Variants in PCDHA7 observed in about 807,000 individuals in gnomAD.
PCDHA7 encodes protocadherin alpha 7.
Under a neutral mutation model 57.2 loss-of-function variants are expected in PCDHA7, and 37 were observed. The observed-to-expected ratio is 0.65, with a 90% CI of 0.50 to 0.85. PCDHA7 has a LOEUF of 0.85. Among genes scored for constraint, PCDHA7 ranks in the 40% least tolerant of loss-of-function variants. The pLI is 0.00. For synonymous variants in PCDHA7, 553 were observed against 558.8 expected (o/e 0.99, Z 0.15); for missense variants, 1,188 against 1,241.8 (o/e 0.96, Z 0.65).
At chr5:140,987,011 C>G (rs1266225593) in intron 3 of PCDHA7, among the ~76,000 whole-genome samples, 1 of 151,990 alleles carries the variant, frequency 6.6e-6, no homozygotes, top group African/African-American at 2.4e-5. Context: ...GTCATGAGTT[C>G]GAGACCAGCC....
intron 1 of PCDHA7, among the ~76,000 whole-genome samples, chr5:140,941,191 T>TTTTTC (rs1554213809): frequency 1.8e-4 from 17 of 93,256 alleles, no homozygotes; most frequent in Middle Eastern, 5.1e-3. Context: ...GCTTCTTTTT[T>TTTTTC]TTTCTTTCTT....
chr5:140,884,708 T>C, intron 1 of PCDHA7: 1 of 1,479,044 alleles, frequency 6.8e-7, no homozygotes, highest in Non-Finnish European at 9.0e-7. Flanking sequence ...ACTTTAGCCT[T>C]CCTTGCAGTT....
At chr5:140,938,209 G>C (rs1210350140) in intron 1 of PCDHA7, among the ~76,000 whole-genome samples, 1 of 152,160 alleles carries the variant, frequency 6.6e-6, no homozygotes, top group Admixed American at 6.5e-5. Flanking sequence ...GCCTCCCAAA[G>C]TGCTGGGATT....
At chr5:140,978,881 A>G in intron 1 of PCDHA7, 68 bp from the exon 2 acceptor site, 1 of 1,610,922 alleles carries the variant, frequency 6.2e-7, no homozygotes, top group Non-Finnish European at 8.5e-7. Flanking sequence ...TAACTAATCA[A>G]TTAGCAGCAT....
At chr5:140,968,560 C>T (rs782202250) in intron 1 of PCDHA7, 2 of 1,614,154 alleles carry the variant, frequency 1.2e-6, no homozygotes, top group Admixed American at 1.7e-5. Context: ...CTCGAACTGC[C>T]CCTGCTGGCT....
At chr5:140,947,341 A>C (rs1159995588) in intron 1 of PCDHA7, among the ~76,000 whole-genome samples, 1 of 151,806 alleles carries the variant, frequency 6.6e-6, no homozygotes, top group East Asian at 1.9e-4. Context: ...TGTGGGCTTA[A>C]TTCTGGACTC....
intron 3 of PCDHA7, among the ~76,000 whole-genome samples, chr5:141,004,120 T>C (rs1340380913): frequency 6.6e-6 from 1 of 152,178 alleles, no homozygotes; most frequent in African/African-American, 2.4e-5. Flanking sequence ...AAAGGGAGTA[T>C]CTCCATGATT....
chr5:140,883,403 T>G, intron 1 of PCDHA7: 1 of 1,614,168 alleles, frequency 6.2e-7, no homozygotes, highest in Non-Finnish European at 8.5e-7. Context: ...CGATCGTGAC[T>G]CTGGCTCAAA....
intron 1 of PCDHA7, chr5:140,968,830 C>G: frequency 6.2e-7 from 1 of 1,614,198 alleles, no homozygotes; most frequent in Non-Finnish European, 8.5e-7. Context: ...CCAAAATCCT[C>G]CCTGACACTC....
intron 1 of PCDHA7, among the ~76,000 whole-genome samples, chr5:140,903,619 A>T (rs1272385465): frequency 1.3e-5 from 2 of 152,226 alleles, no homozygotes; most frequent in African/African-American, 2.4e-5. Flanking sequence ...ATGAATGTGC[A>T]TGCATATGTA....
At position 140,869,619 on chromosome 5, in the gene PCDHA7, A is replaced by G. The variant is rs369497274; in HGVS notation, c.2355+32881A>G. On this transcript the variant is annotated intron_variant, in intron 1 of 3. Transcript: ENST00000525929. ...AGAATGCTCTATTGACCTACAGGCT[A>G]AGTAAAAATGAGTATTTTTCTTTAG... The G allele has an allele frequency of 6.6e-5, 106 of 1,613,784 alleles. 2 individuals carry two copies. The Middle Eastern group carries it at 4.9e-3, about 75-fold the overall frequency.
chr5:141,002,612 CA>C, intron 3 of PCDHA7, among the ~76,000 whole-genome samples: 1 of 152,178 alleles, frequency 6.6e-6, no homozygotes, highest in Non-Finnish European at 1.5e-5. Flanking sequence ...AAAACAGACA[CA>C]TAACACAGAC....
At chr5:140,982,592 C>G (rs376230429) in intron 3 of PCDHA7, 29 bp downstream of exon 3, 3 of 1,610,372 alleles carry the variant, frequency 1.9e-6, no homozygotes, top group Non-Finnish European at 2.5e-6. Flanking sequence ...TCCATTCTTT[C>G]TTGGTTTCTG....
intron 1 of PCDHA7, chr5:140,870,089 T>A (rs782364525): frequency 6.2e-7 from 1 of 1,613,914 alleles, no homozygotes; most frequent in Admixed American, 1.7e-5. Flanking sequence ...ACTCCCCCAA[T>A]GGCAGGTCAC....
At chr5:141,003,515 G>T (rs1402480495) in intron 3 of PCDHA7, among the ~76,000 whole-genome samples, 1 of 152,114 alleles carries the variant, frequency 6.6e-6, no homozygotes, top group African/African-American at 2.4e-5. Context: ...GTTTCACCAT[G>T]TTCCCTAGGC....
At chr5:141,009,036 T>C (rs782309668) in intron 3 of PCDHA7, among the ~76,000 whole-genome samples, 7 of 152,242 alleles carry the variant, frequency 4.6e-5, no homozygotes, top group Non-Finnish European at 1.0e-4. Context: ...TCCCATCCCG[T>C]TCCCAGTCAA....
intron 3 of PCDHA7, among the ~76,000 whole-genome samples, chr5:141,006,156 TA>T (rs1554260585): frequency 6.6e-6 from 1 of 151,588 alleles, no homozygotes; most frequent in East Asian, 1.9e-4. Flanking sequence ...AGGAGTGATA[TA>T]ATCTGATTTA....
At position 140,981,034 on chromosome 5, in the gene PCDHA7, A is replaced by G. The variant is rs376817771; in HGVS notation, c.2415-1441A>G. ...ACTTGAAGGCTGTTAATATTTGGGGAAAAAAAACAGATAATTCTAGAGTGT... is the reference window on the plus strand; with the variant it reads ...ACTTGAAGGCTGTTAATATTTGGGGGAAAAAAACAGATAATTCTAGAGTGT... On this transcript the variant is annotated intron_variant, in intron 2 of 3. Transcript: ENST00000525929. Among the ~76,000 whole-genome samples, 183 of 149,642 alleles carry G rather than the reference A, an allele frequency of 1.2e-3. 1 individual carries two copies. Among genetic ancestry groups the G allele is most frequent in the African/African-American group, 4.1e-3 (163 of 39,298 alleles).
At chr5:140,870,771 C>G (rs370490786) in intron 1 of PCDHA7, 13 of 1,613,466 alleles carry the variant, frequency 8.1e-6, no homozygotes, top group Non-Finnish European at 1.1e-5. Context: ...TCGTGCTGGA[C>G]GAGAACGACA....
Sources: allele counts gnomAD v4.1 joint callset (sites outside exome capture counted in the v4.1 genomes callset), GRCh38; gene constraint gnomAD v4.1.1; transcripts MANE v1.5; gene names NCBI Gene and HGNC (gene_info 2026-07-23, HGNC 2026-07-21).